THADA: variants seen among roughly 807,000 people sequenced by gnomAD.
THADA encodes THADA armadillo repeat containing.
A neutral mutation model predicts 219.8 loss-of-function variants in THADA; 213 were observed. That is an observed-to-expected ratio of 0.97 (90% CI 0.87 to 1.09). The LOEUF (loss-of-function observed/expected upper bound fraction) is 1.09, where lower values mean the gene tolerates loss of function less well. Among genes scored for constraint, THADA ranks in the 50% least tolerant of loss-of-function variants. The pLI is 0.00. For synonymous variants in THADA, 1,018 were observed against 828.9 expected, an observed-to-expected ratio of 1.23 and a Z score of -3.92; for missense variants, 2,956 against 2,311.3, an observed-to-expected ratio of 1.28 and a Z score of -5.72.
chr2:43,576,156 ACT>A lies in THADA; in HGVS notation c.1037+864_1037+865del, dbSNP rs541085063. On this transcript the variant is annotated intron_variant, in intron 10 of 37. Coordinates refer to ENST00000405975, the MANE Select transcript of THADA (RefSeq NM_022065.5). ...TTTTAGAAATGCTGGTGGTTGTACAACTCTGTGAATAAACTAATAAACTGAAT... is the reference window on the plus strand; with the variant it reads ...TTTTAGAAATGCTGGTGGTTGTACAACTGTGAATAAACTAATAAACTGAAT... Among the ~76,000 whole-genome samples the A allele has an allele frequency of 6.6e-4, 100 of 152,352 alleles. 1 individual carries two copies. The South Asian group carries it at 0.02, about 31-fold the overall frequency.
At chr2:43,568,610 T>C (rs1270153393) in intron 14 of THADA, among the ~76,000 whole-genome samples, 1 of 152,172 alleles carries the variant, frequency 6.6e-6, no homozygotes, top group African/African-American at 2.4e-5. Flanking sequence ...AGCTTTTGTG[T>C]TTCCAAGTAC....
chr2:43,471,568 A>C (rs1010646334), intron 26 of THADA, among the ~76,000 whole-genome samples: 1 of 152,186 alleles, frequency 6.6e-6, no homozygotes, highest in Admixed American at 6.5e-5. Flanking sequence ...GTACATATCT[A>C]AAATTGGTAA....
At chr2:43,389,968 T>C (rs558892307) in intron 29 of THADA, among the ~76,000 whole-genome samples, 2 of 152,372 alleles carry the variant, frequency 1.3e-5, no homozygotes, top group Admixed American at 6.5e-5. Flanking sequence ...GAATATGCTA[T>C]AAATTTTCTT....
intron 25 of THADA, among the ~76,000 whole-genome samples, chr2:43,495,457 T>C (rs1345165767): frequency 6.6e-6 from 1 of 152,150 alleles, no homozygotes; most frequent in Non-Finnish European, 1.5e-5. Context: ...ACTATGCACA[T>C]GTAAAGCCCA....
intron 26 of THADA, among the ~76,000 whole-genome samples, chr2:43,470,028 T>C (rs1421589089): frequency 6.6e-6 from 1 of 151,828 alleles, no homozygotes; most frequent in Non-Finnish European, 1.5e-5. Context: ...ATGGGCAACA[T>C]GACAAAACCC....
At chr2:43,518,062 A>G (rs2103664084) in intron 22 of THADA, among the ~76,000 whole-genome samples, 1 of 152,304 alleles carries the variant, frequency 6.6e-6, no homozygotes, top group East Asian at 1.9e-4. Context: ...TTTATCACAT[A>G]AAAACACACA....
rs1319125852 is a variant in THADA at position 43,334,261 on chromosome 2, AG to A, written c.4343+9860del. ...CAGGAAAGTGACTGGAGTATGGATG[AG>A]GGGGATGGAGAAGCAGACGAGGCAC... On this transcript the variant is annotated intron_variant, in intron 30 of 37. Coordinates refer to ENST00000405975, the MANE Select transcript of THADA (RefSeq NM_022065.5). Among the ~76,000 whole-genome samples, 16 of 152,128 alleles carry A rather than the reference AG, an allele frequency of 1.1e-4. No homozygotes were observed. The South Asian group carries it at 2.5e-3, about 24-fold the overall frequency.
At chr2:43,418,790 T>G (rs535586068) in intron 28 of THADA, among the ~76,000 whole-genome samples, 8 of 151,920 alleles carry the variant, frequency 5.3e-5, no homozygotes, top group African/African-American at 1.9e-4. Flanking sequence ...CAAGGAGAGA[T>G]AGAAATAACG....
chr2:43,434,189 C>T (rs370325970), intron 26 of THADA, among the ~76,000 whole-genome samples: 10 of 152,276 alleles, frequency 6.6e-5, no homozygotes, highest in South Asian at 4.1e-4. Context: ...TATATTAATA[C>T]ACGTATAAAA....
chr2:43,349,245 G>A (rs1382273974), intron 29 of THADA, among the ~76,000 whole-genome samples: 4 of 152,248 alleles, frequency 2.6e-5, no homozygotes, highest in African/African-American at 9.6e-5. Context: ...AAGCCTTAAT[G>A]AAAGTTTGAG....
At chr2:43,563,288 T>C (rs1433534478) in intron 15 of THADA, 1 of 152,224 alleles carries the variant, frequency 6.6e-6, no homozygotes, top group African/African-American at 2.4e-5. Context: ...ACTTCCTTCA[T>C]GATTTATTCT....
rs1690012832 is a variant in THADA, at chr2:43,508,710, T to C, written c.3445A>G (p.Ser1149Gly). The change falls in exon 23 of 38, where the codon AGT becomes GGT. Residue 1149 changes from serine (S) to glycine (G), a missense_variant. Physicochemically the swap from Ser to Gly is moderately conservative, Grantham distance 56. Coordinates refer to ENST00000405975, the MANE Select transcript of THADA (RefSeq NM_022065.5). ...LWSVLEEIKCSDPSSKLCATR... is the reference protein window; with the variant it reads ...LWSVLEEIKCGDPSSKLCATR... ...GCACAGAGTTTAGATGAAGGATCAC[T>C]GCATTTAATTTCCTCTAAAACACTC... is the stretch of plus-strand genomic sequence containing the variant. The C allele has an allele frequency of 3.1e-6, 5 of 1,613,650 alleles. No individual in the cohort carries two copies. The highest frequency in any genetic ancestry group is 2.2e-5 in the South Asian group (2 of 91,070).
At chr2:43,360,148 G>A (rs757359039) in intron 29 of THADA, among the ~76,000 whole-genome samples, 2 of 152,006 alleles carry the variant, frequency 1.3e-5, no homozygotes, top group Non-Finnish European at 2.9e-5. Flanking sequence ...ACAATTCCAG[G>A]TCATGGCAAT....
intron 25 of THADA, among the ~76,000 whole-genome samples, 197 bp from the exon 26 acceptor site, chr2:43,485,522 A>C (rs1204544179): frequency 6.6e-6 from 1 of 152,156 alleles, no homozygotes; most frequent in Non-Finnish European, 1.5e-5. Context: ...TGAGCTCTAC[A>C]ACCCAATCAC....
chr2:43,514,083 C>T (rs913897720), intron 22 of THADA, among the ~76,000 whole-genome samples: 6 of 149,306 alleles, frequency 4.0e-5, no homozygotes, highest in Non-Finnish European at 8.9e-5. Flanking sequence ...AAATAAAGAA[C>T]AAGAAATCAT....
chr2:43,405,565 A>G (rs1382491261), intron 28 of THADA, among the ~76,000 whole-genome samples: 1 of 152,186 alleles, frequency 6.6e-6, no homozygotes, highest in Non-Finnish European at 1.5e-5. Flanking sequence ...TTTTCCTGCA[A>G]TTCAAACCAC....
intron 21 of THADA, among the ~76,000 whole-genome samples, chr2:43,531,630 T>A (rs921122619): frequency 2.6e-5 from 4 of 152,124 alleles, no homozygotes; most frequent in Non-Finnish European, 5.9e-5. Context: ...ACAAAATTAA[T>A]AACAACAAAA....
In THADA at chr2:43,541,169, G is replaced by T; in HGVS notation, c.3254C>A (p.Thr1085Lys). The stretch of plus-strand genomic sequence containing the variant: ...AAACATGTGCCTTACCTGCTCCACC[G>T]TCAATAATCCATCAGAAGATTCTGG... ...PVPESSDGLL[T>K]VEQVKEIGDY... Residue 1085 changes from threonine (T) to lysine (K), a missense_variant, in exon 21 of 38, where the codon ACG (threonine) becomes AAG (lysine). Physicochemically the swap from Thr to Lys is moderately conservative, Grantham distance 78 (BLOSUM62 -1). Coordinates refer to ENST00000405975, the MANE Select transcript of THADA (RefSeq NM_022065.5). 6.3e-7 allele frequency: 1 copy of T among 1,583,184 alleles called. No individual in the cohort carries two copies. Among genetic ancestry groups the T allele is most frequent in the Non-Finnish European group, 8.6e-7 (1 of 1,168,966 alleles).
intron 22 of THADA, among the ~76,000 whole-genome samples, chr2:43,509,203 G>A (rs2105098292): frequency 6.6e-6 from 1 of 152,264 alleles, no homozygotes; most frequent in African/African-American, 2.4e-5. Context: ...ATTTTAAACT[G>A]TATTTTAGTA....
Sources: allele counts gnomAD v4.1 joint callset (sites outside exome capture counted in the v4.1 genomes callset), GRCh38; gene constraint gnomAD v4.1.1; transcripts MANE v1.5; gene names NCBI Gene and HGNC (gene_info 2026-07-23, HGNC 2026-07-21).